PTOV1: variants seen among roughly 807,000 people sequenced by gnomAD.
PTOV1 encodes the protein PTOV1 extended AT-hook containing adaptor protein.
A neutral mutation model predicts 58.0 loss-of-function variants in PTOV1; 20 were observed. The ratio of observed to expected loss-of-function variants is 0.34; its 90% CI spans 0.24 to 0.50. The LOEUF is 0.50. Among genes scored for constraint, PTOV1 ranks in the 20% least tolerant of loss-of-function variants. PTOV1 has a pLI of 0.98. For missense variants in PTOV1, 593 were observed against 565.4 expected (o/e 1.05, Z -0.50); for synonymous variants, 335 against 234.2 (o/e 1.43, Z -3.93).
In PTOV1 at chr19:49,857,762, GGT is replaced by G; in HGVS notation, c.787_788del (p.Val263HisfsTer9). The G allele has an allele frequency of 6.2e-7, 1 of 1,614,140 alleles. No individual in the cohort carries two copies. The highest frequency in any genetic ancestry group is 8.5e-7 in the Non-Finnish European group (1 of 1,179,964). On this transcript the variant is annotated frameshift_variant, in exon 7 of 12. Transcript: ENST00000391842. LOFTEE classifies it high-confidence loss of function. ...CAACAACAAGTTTCTGGCATGGAGTGGTGTCATGGAGTGGCAGGAGGTGAGCA... is the reference window on the plus strand; with the variant it reads ...CAACAACAAGTTTCTGGCATGGAGTGGTCATGGAGTGGCAGGAGGTGAGCA...
At chr19:49,858,747 C>G (rs1245836930) in intron 10 of PTOV1, 94 bp downstream of exon 10, 2 of 1,082,974 alleles carry the variant, frequency 1.8e-6, no homozygotes, top group Non-Finnish European at 2.7e-6. Context: ...GAACAGAGCA[C>G]CATGTCCCAG....
At chr19:49,860,600 A>ACCCCTGCCCC in exon 12 of PTOV1, 2 of 516,758 alleles carry the variant, frequency 3.9e-6, no homozygotes, top group Middle Eastern at 5.0e-4. Context: ...CCCCCACTGC[A>ACCCCTGCCCC]CCCCTGCCCC....
chr19:49,857,147 C>G lies in PTOV1; in HGVS notation c.714+17C>G. ...CGCAAGCAGGTGTGCCAGCCAAGCA[C>G]AGCCCCTCTGGGGACAGAGGGGGAT... On this transcript the variant is annotated intron_variant, in intron 6 of 11. Transcript: ENST00000391842. 6.2e-7 allele frequency: 1 copy of G among 1,613,834 alleles called. No individual in the cohort carries two copies. The highest frequency in any genetic ancestry group is 8.5e-7 in the Non-Finnish European group (1 of 1,179,884).
exon 1 of PTOV1, chr19:49,851,417 G>T: frequency 8.3e-7 from 1 of 1,205,420 alleles, no homozygotes; most frequent in Non-Finnish European, 1.0e-6. Context: ...CTCGTGGTGC[G>T]CGCCGTCCGC....
At position 49,856,445 on chromosome 19, in the gene PTOV1, G is replaced by A. The variant is rs143271524; in HGVS notation, c.559-530G>A. 409 of 160,406 alleles carry A rather than the reference G, an allele frequency of 2.5e-3. 8 individuals carry two copies. Among genetic ancestry groups the A allele is most frequent in the Non-Finnish European group, 7.7e-4 (56 of 72,370 alleles). 9.9% of individuals were successfully genotyped at this position (160,406 alleles called of 1,614,324 possible). A position where few individuals can be genotyped will look rare whatever the true frequency, so the allele number is the denominator to read the frequency against. On this transcript the variant is annotated intron_variant, in intron 5 of 11. Transcript: ENST00000391842. ...CACACCACTTCATCTAGACACCACA[G>A]CCAGGCACATCTGTCAGGCTTAGTT...
Position 49,858,672 on chromosome 19 carries a change from C to A in PTOV1, c.1041+19C>A. ...TGGCTTCGTGAGTGGTGCCAGCAGA[C>A]GCAGGGGAGGGGCCGGCCAGGGCAG... On this transcript the variant is annotated intron_variant, in intron 10 of 11. Transcript: ENST00000391842. The A allele has an allele frequency of 6.4e-7, 1 of 1,571,618 alleles. No homozygotes were observed. The highest frequency in any genetic ancestry group is 8.6e-7 in the Non-Finnish European group (1 of 1,156,172).
exon 12 of PTOV1, chr19:49,860,389 G>C: frequency 8.3e-7 from 1 of 1,203,046 alleles, no homozygotes; most frequent in East Asian, 2.7e-5. Context: ...TGTGGGGGGG[G>C]TGGGGTTGGG....
rs2074507939 is a variant in PTOV1 at position 49,857,163 on chromosome 19, A to G, written c.714+33A>G. 4 of 1,608,756 alleles carry G rather than the reference A, an allele frequency of 2.5e-6. 1 individual carries two copies. The South Asian group carries it at 4.4e-5, about 18-fold the overall frequency. ...AGCCAAGCACAGCCCCTCTGGGGACAGAGGGGGATTAGACCCCACTGCCCT... is the reference window on the plus strand; with the variant it reads ...AGCCAAGCACAGCCCCTCTGGGGACGGAGGGGGATTAGACCCCACTGCCCT... On this transcript the variant is annotated intron_variant, in intron 6 of 11. Coordinates refer to ENST00000391842, the Ensembl canonical transcript of PTOV1.
At chr19:49,858,885 C>G in intron 10 of PTOV1, 1 of 507,916 alleles carries the variant, frequency 2.0e-6, no homozygotes. Context: ...CACATCAGGG[C>G]TGACTCAGCA....
chr19:49,858,775 G>T (rs936643420), intron 10 of PTOV1, 122 bp downstream of exon 10: 3 of 851,004 alleles, frequency 3.5e-6, no homozygotes, highest in Non-Finnish European at 5.6e-6. Flanking sequence ...GGGGAGAGAG[G>T]GTGGCTAGTG....
At position 49,857,898 on chromosome 19, in the gene PTOV1, CA is replaced by C; in HGVS notation, c.805-2del. On this transcript the variant is annotated splice_region_variant and splice_polypyrimidine_tract_variant and intron_variant, in intron 7 of 11. Coordinates refer to ENST00000391842, the Ensembl canonical transcript of PTOV1. ...TGAGGGCTCCTCTTTGCCTCTCCCC[CA>C]AAAGCCCAGGCCTGAGCCCAACAGT... The C allele has an allele frequency of 6.2e-7, 1 of 1,613,408 alleles. No homozygotes were observed.
Position 49,860,198 on chromosome 19 carries a change from C to T in PTOV1, c.1239+15C>T. 1 of 1,614,034 alleles carries T rather than the reference C, an allele frequency of 6.2e-7. No individual in the cohort carries two copies. The highest frequency in any genetic ancestry group is 1.1e-5 in the South Asian group (1 of 91,068). ...AGCAACGAGGGGTGAGGTGGCCGGC[C>T]TCCAGGGCTGCTCAGTCTCCCTCCA... On this transcript the variant is annotated intron_variant, in intron 11 of 11. Coordinates refer to ENST00000391842, the Ensembl canonical transcript of PTOV1.
At chr19:49,858,759 C>A in intron 10 of PTOV1, 106 bp downstream of exon 10, 1 of 967,888 alleles carries the variant, frequency 1.0e-6, no homozygotes, top group South Asian at 1.4e-5. Flanking sequence ...ATGTCCCAGA[C>A]CAGCTGGGGA....
Position 49,856,960 on chromosome 19 carries a change from C to T in PTOV1, c.559-15C>T, listed in dbSNP as rs747772336. 1.9e-6 allele frequency: 3 copies of T among 1,611,870 alleles called. No individual in the cohort carries two copies. Among genetic ancestry groups the T allele is most frequent in the South Asian group, 2.2e-5 (2 of 90,990 alleles). Reference sequence around the variant, plus strand: ...CGGGCAGTGACCACAGGGTCCTGACCCGCGGCCCCCGCAGGCGGGCTGCAT... The same window carrying T: ...CGGGCAGTGACCACAGGGTCCTGACTCGCGGCCCCCGCAGGCGGGCTGCAT... On this transcript the variant is annotated splice_polypyrimidine_tract_variant and intron_variant, in intron 5 of 11. Transcript: ENST00000391842.
intron 1 of PTOV1, among the ~76,000 whole-genome samples, chr19:49,853,907 A>G (rs16981486): frequency 0.058 from 8,870 of 152,242 alleles, 388 homozygotes; most frequent in South Asian, 0.12. Context: ...AGAGGAAGGA[A>G]TTGAACTTTG....
At chr19:49,860,667 GAGGATGGTGTCCTGAGGCCTCCA>G (rs2074718329) in exon 12 of PTOV1, 2 of 405,650 alleles carry the variant, frequency 4.9e-6, no homozygotes, top group African/African-American at 4.0e-5. Flanking sequence ...CAGCAACATG[GAGGATGGTGTCCTGAGGCCTCCA>G]AGGACGGTCC....
chr19:49,856,244 C>T (rs568922868), intron 5 of PTOV1: 1 of 152,318 alleles, frequency 6.6e-6, no homozygotes, highest in Non-Finnish European at 1.5e-5. Flanking sequence ...ACTCACCCCC[C>T]AGGCATGGCC....
At position 49,857,137 on chromosome 19, in the gene PTOV1, C is replaced by T. The variant is rs2122232683; in HGVS notation, c.714+7C>T. 1.9e-6 allele frequency: 3 copies of T among 1,613,958 alleles called. No individual in the cohort carries two copies. Among genetic ancestry groups the T allele is most frequent in the Non-Finnish European group, 2.5e-6 (3 of 1,179,940 alleles). On this transcript the variant is annotated splice_region_variant and intron_variant, in intron 6 of 11. Coordinates refer to ENST00000391842, the Ensembl canonical transcript of PTOV1. ...CATCACCACCCGCAAGCAGGTGTGC[C>T]AGCCAAGCACAGCCCCTCTGGGGAC...
intron 9 of PTOV1, 66 bp downstream of exon 9, chr19:49,858,180 G>C: frequency 1.9e-6 from 3 of 1,561,164 alleles, no homozygotes; most frequent in East Asian, 2.3e-5. Flanking sequence ...GGGGCTGGGG[G>C]CAAGAGCGCC....
Sources: allele counts gnomAD v4.1 joint callset (sites outside exome capture counted in the v4.1 genomes callset), GRCh38; gene constraint gnomAD v4.1.1; transcripts MANE v1.5; gene names NCBI Gene and HGNC (gene_info 2026-07-23, HGNC 2026-07-21).